Variants in CALCA observed in about 807,000 individuals in gnomAD.
The protein encoded by CALCA is calcitonin.
Under a neutral mutation model 6.9 loss-of-function variants are expected in CALCA, and 4 were observed. The observed-to-expected ratio is 0.58, with a 90% confidence interval of 0.29 to 1.33. The LOEUF is 1.33. Ranked by LOEUF, CALCA falls within the 40% of genes most tolerant of loss-of-function variation. The pLI is 0.09. For missense variants in CALCA, 174 were observed against 178.3 expected, an observed-to-expected ratio of 0.98 and a Z score of 0.14; for synonymous variants, 78 against 70.0, an observed-to-expected ratio of 1.11 and a Z score of -0.57.
downstream of CALCA, chr11:14,967,073 C>T (rs1173176897): frequency 2.6e-5 from 4 of 153,660 alleles, no homozygotes; most frequent in African/African-American, 9.7e-5. Flanking sequence ...TTTCATTACA[C>T]ATTAAAAGGA....
chr11:14,970,463 A>G (rs1849574812), intron 2 of CALCA, among the ~76,000 whole-genome samples: 1 of 152,248 alleles, frequency 6.6e-6, no homozygotes, highest in Admixed American at 6.5e-5. Context: ...TAACAATAAC[A>G]AATTTAGTGG....
rs201179955 is a variant in CALCA, at chr11:14,971,121, A to G, written c.72T>C (p.His24=). 4 of 1,614,086 alleles carry G rather than the reference A, an allele frequency of 2.5e-6. No individual in the cohort carries two copies. Among genetic ancestry groups the G allele is most frequent in the African/African-American group, 2.7e-5 (2 of 75,020 alleles). Residue 24 remains histidine (H), a synonymous_variant, in exon 2 of 4, where the codon CAT becomes CAC. Coordinates refer to ENST00000331587, the MANE Select transcript of CALCA (RefSeq NM_001741.3). The part of the protein sequence containing the change: ...ILVLLQAGSL[H]AAPFRSALES... ...GGCTGTCTTACCTGAATGGTGCTGC[A>G]TGGAGGCTGCCTGCCTGCAACAGGA...
chr11:14,971,277 T>C, intron 1 of CALCA, 76 bp from the exon 2 acceptor site: 2 of 947,144 alleles, frequency 2.1e-6, no homozygotes, highest in East Asian at 2.4e-5. Context: ...GCTCCTATCC[T>C]GGTTTTCTGT....
At chr11:14,967,547 A>T (rs192503003), downstream of CALCA, 394 of 1,050,250 alleles carry the variant, frequency 3.8e-4, no homozygotes, top group Non-Finnish European at 4.8e-4. Flanking sequence ...GAACTCAGAT[A>T]CTGGTGTGGG....
chr11:14,970,077 T>C lies in CALCA; in HGVS notation c.87-2A>G. On this transcript the variant is annotated splice_acceptor_variant, in intron 2 of 3. Transcript: ENST00000331587. LOFTEE classifies it high-confidence loss of function. ...GCTGGGCTGCTCTCCAGGGCAGACC[T>C]GTGGAGGGGAAGCAAACTCAGTGCA... The C allele has an allele frequency of 1.9e-6, 3 of 1,614,164 alleles. No homozygotes were observed. The highest frequency in any genetic ancestry group is 1.7e-6 in the Non-Finnish European group (2 of 1,180,018).
chr11:14,971,332 T>C (rs1352299507), intron 1 of CALCA, 131 bp from the exon 2 acceptor site: 3 of 715,968 alleles, frequency 4.2e-6, no homozygotes, highest in Non-Finnish European at 7.7e-6. Context: ...CTGGTCATTA[T>C]ATTTCTCTTC....
chr11:14,967,374 CATT>C (rs1382660810), downstream of CALCA, among the ~76,000 whole-genome samples: 1 of 152,150 alleles, frequency 6.6e-6, no homozygotes, highest in African/African-American at 2.4e-5. Context: ...ATGATAGTGT[CATT>C]ATCTTTCAAA....
Position 14,968,741 on chromosome 11 carries a change from C to T in CALCA, c.*58G>A. 6.2e-7 allele frequency: 1 copy of T among 1,613,600 alleles called. No individual in the cohort carries two copies. The highest frequency in any genetic ancestry group is 2.2e-5 in the East Asian group (1 of 44,874). ...GAGCCACCAGAGAGGAACCAAACCACATGCATCAAGTTATAGGAAGGATGC... is the reference window on the plus strand; with the variant it reads ...GAGCCACCAGAGAGGAACCAAACCATATGCATCAAGTTATAGGAAGGATGC... On this transcript the variant is annotated 3_prime_UTR_variant, in exon 4 of 4. Transcript: ENST00000331587.
chr11:14,970,174 G>A, intron 2 of CALCA, 99 bp from the exon 3 acceptor site: 2 of 1,532,966 alleles, frequency 1.3e-6, no homozygotes, highest in Non-Finnish European at 1.8e-6. Flanking sequence ...CTTCCCCTGA[G>A]GATGTGGCCA....
chr11:14,971,884 C>T (rs1250083937), intron 1 of CALCA, among the ~76,000 whole-genome samples: 3 of 152,198 alleles, frequency 2.0e-5, no homozygotes, highest in Non-Finnish European at 4.4e-5. Flanking sequence ...GAACCAATTT[C>T]CCTGGGACTG....
intron 3 of CALCA, 133 bp downstream of exon 3, chr11:14,969,802 G>T: frequency 7.2e-7 from 1 of 1,392,386 alleles, no homozygotes; most frequent in Non-Finnish European, 1.0e-6. Context: ...GAACAGCTGG[G>T]CCCCAGGTCC....
At position 14,968,803 on chromosome 11, in the gene CALCA, T is replaced by C. The variant is rs1849516208; in HGVS notation, c.422A>G (p.Asn141Ser). 2 of 1,614,136 alleles carry C rather than the reference T, an allele frequency of 1.2e-6. No homozygotes were observed. Among genetic ancestry groups the C allele is most frequent in the Non-Finnish European group, 8.5e-7 (1 of 1,180,012 alleles). Residue 141 changes from asparagine to serine, a missense_variant, in exon 4 of 4, where the codon AAC becomes AGC. Physicochemically the swap from Asn to Ser is conservative, Grantham distance 46 (BLOSUM62 1). Coordinates refer to ENST00000331587, the MANE Select transcript of CALCA (RefSeq NM_001741.3). ...TTAGGAAGGAAAGGGAGGAGTTTAG[T>C]TGGCATTCTGGGGCATGCTAACATG... ...RPHVSMPQNA[N>S] is the part of the protein sequence containing the mutation.
In CALCA at chr11:14,968,536, G is replaced by A. The variant is rs1849509885; in HGVS notation, c.*263C>T. On this transcript the variant is annotated 3_prime_UTR_variant, in exon 4 of 4. Transcript: ENST00000331587. ...AATAATTTTATTCCTCAAATGATCA[G>A]CACATTCAGAAGCAGGACAGAGGAG... 3 of 1,369,208 alleles carry A rather than the reference G, an allele frequency of 2.2e-6. No homozygotes were observed. Among genetic ancestry groups the A allele is most frequent in the Admixed American group, 3.0e-5 (1 of 32,998 alleles). 84.8% of individuals were successfully genotyped at this position (1,369,208 alleles called of 1,614,324 possible). A position where few individuals can be genotyped will look rare whatever the true frequency, so the allele number is the denominator to read the frequency against.
intron 1 of CALCA, among the ~76,000 whole-genome samples, chr11:14,972,001 A>AG (rs1274981563): frequency 6.6e-6 from 1 of 152,134 alleles, no homozygotes; most frequent in African/African-American, 2.4e-5. Context: ...GACTGGCCTA[A>AG]GCCTGTGTGC....
intron 2 of CALCA, 80 bp from the exon 3 acceptor site, chr11:14,970,155 T>C (rs2133583856): frequency 1.2e-5 from 19 of 1,570,090 alleles, no homozygotes; most frequent in Non-Finnish European, 1.6e-5. Context: ...GGCTTCCTGG[T>C]CTTTGCTTCT....
chr11:14,967,970 T>A (rs2133579389), downstream of CALCA: 1 of 1,198,030 alleles, frequency 8.3e-7, no homozygotes, highest in Non-Finnish European at 1.2e-6. Context: ...CAATTAACTT[T>A]AAGTGTTTCT....
downstream of CALCA, chr11:14,967,916 G>T: frequency 6.3e-7 from 1 of 1,593,696 alleles, no homozygotes; most frequent in Non-Finnish European, 8.6e-7. Context: ...AGAGAGGTCA[G>T]CCCCATGGGA....
chr11:14,971,561 C>T lies in CALCA; in HGVS notation c.-9-360G>A, dbSNP rs1182805962. 2.0e-5 allele frequency among the ~76,000 whole-genome samples: 3 copies of T among 152,146 alleles called. No homozygotes were observed. In the East Asian group the frequency reaches 5.8e-4, roughly 29 times the overall value. On this transcript the variant is annotated intron_variant, in intron 1 of 3. Coordinates refer to ENST00000331587, the MANE Select transcript of CALCA (RefSeq NM_001741.3). ...CAGGCCCCTGTCACAGAAGCTGATC[C>T]CATAAGGAAACCCAGAGCTGTCCTC...
downstream of CALCA, chr11:14,967,860 T>C (rs782499912): frequency 8.1e-6 from 13 of 1,614,068 alleles, no homozygotes; most frequent in Non-Finnish European, 1.1e-5. Flanking sequence ...TGATTCTGAT[T>C]TGCAGGATGG....
Sources: allele counts gnomAD v4.1 joint callset (sites outside exome capture counted in the v4.1 genomes callset), GRCh38; gene constraint gnomAD v4.1.1; transcripts MANE v1.5; gene names NCBI Gene and HGNC (gene_info 2026-07-23, HGNC 2026-07-21).